Variants in PRUNE1 observed in about 807,000 individuals in gnomAD.
PRUNE1 encodes exopolyphosphatase PRUNE1.
In PRUNE1, 25 loss-of-function variants were observed where a neutral mutation model predicts 42.5. That is an observed-to-expected ratio of 0.59 (90% CI 0.43 to 0.82). The LOEUF (loss-of-function observed/expected upper bound fraction) is 0.82, where lower values mean the gene tolerates loss of function less well. Ranked by LOEUF, PRUNE1 falls within the 40% of genes least tolerant of loss-of-function variation. PRUNE1 has a pLI of 0.00. For synonymous variants in PRUNE1, 203 were observed against 217.1 expected, an observed-to-expected ratio of 0.93 and a Z score of 0.57; for missense variants, 443 against 539.3, an observed-to-expected ratio of 0.82 and a Z score of 1.77.
intron 1 of PRUNE1, among the ~76,000 whole-genome samples, chr1:151,014,129 G>A (rs1673951532): frequency 6.6e-6 from 1 of 152,046 alleles, no homozygotes; most frequent in Non-Finnish European, 1.5e-5. Flanking sequence ...ACAGGCACCC[G>A]CCACCACGCC....
chr1:151,034,427 A>G lies in PRUNE1; in HGVS notation c.*193A>G, dbSNP rs1480060856. On this transcript the variant is annotated 3_prime_UTR_variant, in exon 8 of 8. Coordinates refer to ENST00000271620, the MANE Select transcript of PRUNE1 (RefSeq NM_021222.3). ...GAATGGTTTTCCACCTTTTCCCCCTAATCTCTACCAATCAGACACATTTTA... is the reference window on the plus strand; with the variant it reads ...GAATGGTTTTCCACCTTTTCCCCCTGATCTCTACCAATCAGACACATTTTA... The G allele has an allele frequency of 1.7e-6, 1 of 586,266 alleles. No individual in the cohort carries two copies. Among genetic ancestry groups the G allele is most frequent in the African/African-American group, 1.9e-5 (1 of 53,774 alleles). The allele number at this position is 586,266 out of a possible 1,614,324, so 36.3% of individuals were successfully genotyped here. A position where few individuals can be genotyped will look rare whatever the true frequency, so the allele number is the denominator to read the frequency against.
At chr1:151,017,939 C>T in intron 2 of PRUNE1, 35 bp downstream of exon 2, 9 of 1,413,306 alleles carry the variant, frequency 6.4e-6, no homozygotes, top group Non-Finnish European at 9.0e-6. Context: ...GGATCTGAGT[C>T]CCTCAGAACG....
At chr1:151,011,926 G>A (rs1403211469) in intron 1 of PRUNE1, among the ~76,000 whole-genome samples, 3 of 151,914 alleles carry the variant, frequency 2.0e-5, no homozygotes, top group Non-Finnish European at 4.4e-5. Flanking sequence ...CTACAGGCAT[G>A]TGCCACCATG....
At chr1:151,027,968 G>A (rs1057140836) in intron 6 of PRUNE1, among the ~76,000 whole-genome samples, 1 of 152,096 alleles carries the variant, frequency 6.6e-6, no homozygotes, top group Non-Finnish European at 1.5e-5. Context: ...ACAGCGCCAT[G>A]CTTGATCTGG....
At chr1:151,026,754 A>G (rs1053204033) in intron 5 of PRUNE1, among the ~76,000 whole-genome samples, 1 of 151,996 alleles carries the variant, frequency 6.6e-6, no homozygotes, top group African/African-American at 2.4e-5. Flanking sequence ...TCTGGGTTTC[A>G]TCCTTCTCTC....
intron 5 of PRUNE1, 102 bp from the exon 6 acceptor site, chr1:151,027,131 A>C (rs1355713198): frequency 1.4e-5 from 10 of 703,162 alleles, no homozygotes; most frequent in Non-Finnish European, 2.0e-5. Flanking sequence ...CCCCAAAGAG[A>C]GGCTGTTTTT....
chr1:151,024,820 C>T (rs1238689893), intron 4 of PRUNE1, 25 bp downstream of exon 4: 1 of 1,588,720 alleles, frequency 6.3e-7, no homozygotes. Context: ...TGGATTGGGA[C>T]CTCAGTAGTT....
chr1:151,009,942 A>C (rs1673652034), intron 1 of PRUNE1, among the ~76,000 whole-genome samples: 1 of 152,164 alleles, frequency 6.6e-6, no homozygotes. Context: ...TTTACCCCCC[A>C]GTAACCCAAA....
intron 7 of PRUNE1, among the ~76,000 whole-genome samples, chr1:151,031,711 A>G (rs756513503): frequency 1.3e-5 from 2 of 152,072 alleles, no homozygotes; most frequent in Non-Finnish European, 2.9e-5. Context: ...ATTTTGTTCA[A>G]TTCATTCTTT....
rs587751588 is a variant in PRUNE1 at position 151,016,898 on chromosome 1, C to T, written c.40-914C>T. Among the ~76,000 whole-genome samples the T allele has an allele frequency of 9.2e-5, 14 of 151,808 alleles. No individual in the cohort carries two copies. In the East Asian group the frequency reaches 2.0e-3, roughly 21 times the overall value. Reference sequence around the variant, plus strand: ...GCATTCGGCCGAGCACGGTGGCTCACGCCTGTAATCCCAGCACTTTGGGAG... The same window carrying T: ...GCATTCGGCCGAGCACGGTGGCTCATGCCTGTAATCCCAGCACTTTGGGAG... On this transcript the variant is annotated intron_variant, in intron 1 of 7. Coordinates refer to ENST00000271620, the MANE Select transcript of PRUNE1 (RefSeq NM_021222.3).
At position 151,033,989 on chromosome 1, in the gene PRUNE1, C is replaced by T; in HGVS notation, c.1117C>T (p.Pro373Ser). 1.9e-6 allele frequency: 3 copies of T among 1,614,110 alleles called. No homozygotes were observed. Among genetic ancestry groups the T allele is most frequent in the Non-Finnish European group, 1.7e-6 (2 of 1,179,976 alleles). ...CTCCATGAAGATCCCTTCAGGACAG[C>T]CTGAGACAGCAGATGTGTCCAGGGA... is the stretch of plus-strand genomic sequence containing the variant. Reference protein sequence around the residue: ...FDSMKIPSGQPETADVSREQV... With the variant: ...FDSMKIPSGQSETADVSREQV... The change falls in exon 8 of 8, where the codon CCT becomes TCT. Residue 373 changes from proline to serine, a missense_variant. Pro to Ser is a moderately conservative substitution (Grantham distance 74). Coordinates refer to ENST00000271620, the MANE Select transcript of PRUNE1 (RefSeq NM_021222.3).
intron 5 of PRUNE1, among the ~76,000 whole-genome samples, chr1:151,026,217 G>A (rs1674827482): frequency 6.6e-6 from 1 of 151,612 alleles, no homozygotes; most frequent in Admixed American, 6.6e-5. Flanking sequence ...AACACTTTGG[G>A]AGGCCGAGGT....
chr1:151,033,755 C>G (rs765063839), intron 7 of PRUNE1, 51 bp from the exon 8 acceptor site: 1 of 1,539,018 alleles, frequency 6.5e-7, no homozygotes, highest in South Asian at 1.2e-5. Flanking sequence ...AAGCCCAGCA[C>G]TTTGCTACAG....
At position 151,030,404 on chromosome 1, in the gene PRUNE1, C is replaced by A. The variant is rs117153262; in HGVS notation, c.933+1460C>A. Among the ~76,000 whole-genome samples the A allele has an allele frequency of 1.5e-4, 23 of 152,256 alleles. No individual in the cohort carries two copies. The East Asian group carries it at 2.1e-3, about 14-fold the overall frequency. On this transcript the variant is annotated intron_variant, in intron 7 of 7. Transcript: ENST00000271620. ...AGGTATGTCTGTCCTTTCCCGCCCCCCTTTGCCTTTGCCTTCTCCCCAGGA... is the reference window on the plus strand; with the variant it reads ...AGGTATGTCTGTCCTTTCCCGCCCCACTTTGCCTTTGCCTTCTCCCCAGGA...
At chr1:151,020,597 T>C (rs1171714769) in intron 3 of PRUNE1, among the ~76,000 whole-genome samples, 1 of 152,096 alleles carries the variant, frequency 6.6e-6, no homozygotes, top group Non-Finnish European at 1.5e-5. Flanking sequence ...ATCCCATCTC[T>C]ACAAAAAAAT....
At chr1:151,016,732 C>T (rs1558075824) in intron 1 of PRUNE1, among the ~76,000 whole-genome samples, 1 of 151,372 alleles carries the variant, frequency 6.6e-6, no homozygotes, top group Admixed American at 6.6e-5. Flanking sequence ...AAACTCCTAA[C>T]CTTAGGTGAT....
intron 3 of PRUNE1, among the ~76,000 whole-genome samples, chr1:151,021,246 A>G (rs1674414008): frequency 6.6e-6 from 1 of 151,892 alleles, no homozygotes; most frequent in African/African-American, 2.4e-5. Flanking sequence ...ACCTGAGGTC[A>G]GGAGTTTGAG....
At chr1:151,020,384 T>C (rs1217452276) in intron 3 of PRUNE1, among the ~76,000 whole-genome samples, 1 of 151,622 alleles carries the variant, frequency 6.6e-6, no homozygotes, top group Non-Finnish European at 1.5e-5. Flanking sequence ...AGCCTAGGAA[T>C]TGAGGCTTCA....
intron 1 of PRUNE1, among the ~76,000 whole-genome samples, chr1:151,014,367 C>T (rs200087495): frequency 1.3e-5 from 2 of 152,262 alleles, no homozygotes; most frequent in East Asian, 1.9e-4. Context: ...GGGCAGAACC[C>T]GGACAGATAA....
Sources: gnomAD v4.1 joint callset for allele counts (sites outside exome capture counted in the v4.1 genomes callset) on GRCh38, gnomAD v4.1.1 for gene constraint, MANE v1.5 for transcripts, NCBI Gene and HGNC (gene_info 2026-07-23, HGNC 2026-07-21) for gene names.